HIPK3: variants seen among roughly 807,000 people sequenced by gnomAD.
HIPK3 encodes homeodomain interacting protein kinase 3.
HIPK3 carries 47 observed loss-of-function variants against 124.2 expected under a neutral mutation model. The ratio of observed to expected loss-of-function variants is 0.38; its 90% confidence interval spans 0.30 to 0.48. HIPK3 has a LOEUF of 0.48. HIPK3 is among the 20% of genes least tolerant of loss of function. HIPK3 has a pLI of 0.98. For missense variants in HIPK3, 1,286 were observed against 1,454.3 expected (o/e 0.88, Z 1.88); for synonymous variants, 482 against 515.2 (o/e 0.94, Z 0.87).
chr11:33,295,758 G>T (rs1332382674), intron 2 of HIPK3, among the ~76,000 whole-genome samples: 1 of 152,214 alleles, frequency 6.6e-6, no homozygotes, highest in African/African-American at 2.4e-5. Context: ...CTGATGTTGT[G>T]TCCACACATA....
intron 1 of HIPK3, among the ~76,000 whole-genome samples, chr11:33,269,296 C>G (rs1851058427): frequency 6.6e-6 from 1 of 152,114 alleles, no homozygotes; most frequent in African/African-American, 2.4e-5. Flanking sequence ...GATTTCCAAC[C>G]CTTTACCTCT....
At chr11:33,264,451 T>A (rs1850904253) in intron 1 of HIPK3, among the ~76,000 whole-genome samples, 1 of 150,558 alleles carries the variant, frequency 6.6e-6, no homozygotes, top group South Asian at 2.1e-4. Flanking sequence ...TCAGAAACTT[T>A]TCCATTTCTA....
intron 1 of HIPK3, chr11:33,258,704 G>T: frequency 1.0e-6 from 1 of 985,310 alleles, no homozygotes; most frequent in Non-Finnish European, 1.2e-6. Flanking sequence ...TGTGGCTCTC[G>T]GGGAATCCTG....
At chr11:33,334,456 G>A (rs1380062719) in intron 3 of HIPK3, among the ~76,000 whole-genome samples, 3 of 152,064 alleles carry the variant, frequency 2.0e-5, no homozygotes, top group African/African-American at 2.4e-5. Flanking sequence ...AGTTGGTGCC[G>A]AAGTACCAGG....
chr11:33,261,869 T>A (rs912563114), intron 1 of HIPK3, among the ~76,000 whole-genome samples: 2 of 152,198 alleles, frequency 1.3e-5, no homozygotes, highest in African/African-American at 4.8e-5. Flanking sequence ...CTCTGCAACC[T>A]CATCAGCATC....
At chr11:33,278,796 A>G (rs1851335819) in intron 1 of HIPK3, among the ~76,000 whole-genome samples, 1 of 152,040 alleles carries the variant, frequency 6.6e-6, no homozygotes, top group Non-Finnish European at 1.5e-5. Flanking sequence ...GTGAGCAGAG[A>G]TCGTGCCACT....
At chr11:33,347,025 A>T (rs1458921503) in intron 8 of HIPK3, among the ~76,000 whole-genome samples, 6 of 152,122 alleles carry the variant, frequency 3.9e-5, no homozygotes, top group Middle Eastern at 3.4e-3. Flanking sequence ...TCTCTACCAA[A>T]AATTAAAGAG....
Position 33,337,052 on chromosome 11 carries a change from C to A in HIPK3, c.1222-23C>A, listed in dbSNP as rs776095224. On this transcript the variant is annotated intron_variant, in intron 3 of 16. Transcript: ENST00000303296. The stretch of plus-strand genomic sequence containing the variant: ...CTGTCACATGAAAGAATAAACTATT[C>A]TGTTCTGTAAATTATTTTTCAGATT... 3.2e-6 allele frequency: 5 copies of A among 1,565,152 alleles called. No homozygotes were observed. In the African/African-American group the frequency reaches 6.8e-5, roughly 21 times the overall value.
At chr11:33,342,542 CTTTTTT>C (rs371154303) in intron 8 of HIPK3, among the ~76,000 whole-genome samples, 2 of 135,980 alleles carry the variant, frequency 1.5e-5, no homozygotes, top group Non-Finnish European at 1.6e-5. Context: ...GCTATACATT[CTTTTTT>C]TTTTTTTTTT....
At chr11:33,275,014 T>C (rs983590120) in intron 1 of HIPK3, among the ~76,000 whole-genome samples, 6 of 152,112 alleles carry the variant, frequency 3.9e-5, no homozygotes, top group African/African-American at 1.4e-4. Flanking sequence ...CAATGTATGG[T>C]GGTTGTTTCT....
In HIPK3 at chr11:33,353,853, C is replaced by G. The variant is rs577771215; in HGVS notation, c.*285C>G. The G allele has an allele frequency of 1.9e-5, 7 of 373,984 alleles. No individual in the cohort carries two copies. The East Asian group carries it at 2.5e-4, about 14-fold the overall frequency. The allele number at this position is 373,984 out of a possible 1,614,324, so 23.2% of individuals were successfully genotyped here. On this transcript the variant is annotated 3_prime_UTR_variant, in exon 17 of 17. Transcript: ENST00000303296. ...CTATTTTTTATAAATTGCCTTCTAA[C>G]TAGTGCAAGACACGTCTACATTTGG...
intron 2 of HIPK3, among the ~76,000 whole-genome samples, chr11:33,309,813 TA>T (rs1343678799): frequency 6.6e-6 from 1 of 152,254 alleles, no homozygotes; most frequent in Non-Finnish European, 1.5e-5. Context: ...TCAGCATGTG[TA>T]TCATAAAGTA....
intron 2 of HIPK3, among the ~76,000 whole-genome samples, chr11:33,297,092 T>C (rs1177896589): frequency 7.7e-5 from 1 of 12,928 alleles, no homozygotes; most frequent in African/African-American, 1.5e-4. Flanking sequence ...ATGGAAAAGA[T>C]TTTTTTTTTT....
Position 33,348,413 on chromosome 11 carries a change from TGAACTC to T in HIPK3, c.2370-104_2370-99del, listed in dbSNP as rs1186325977. On this transcript the variant is annotated intron_variant, in intron 12 of 16. Coordinates refer to ENST00000303296, the MANE Select transcript of HIPK3 (RefSeq NM_005734.5). ...AAGATCTGTTAGTGTGTTATATTCATGAACTCGAACAAGTGAAGGTTCTCATTTTCT... is the reference window on the plus strand; with the variant it reads ...AAGATCTGTTAGTGTGTTATATTCATGAACAAGTGAAGGTTCTCATTTTCT... 6 of 1,060,224 alleles carry T rather than the reference TGAACTC, an allele frequency of 5.7e-6. No homozygotes were observed. The East Asian group carries it at 1.6e-4, about 28-fold the overall frequency. 65.7% of individuals were successfully genotyped at this position (1,060,224 alleles called of 1,614,324 possible).
chr11:33,276,686 T>C (rs1019480020), intron 1 of HIPK3, among the ~76,000 whole-genome samples: 1 of 152,142 alleles, frequency 6.6e-6, no homozygotes, highest in African/African-American at 2.4e-5. Context: ...GATCGTATTT[T>C]TGTAATTTTA....
chr11:33,355,011 G>A lies in HIPK3; in HGVS notation c.*1443G>A, dbSNP rs373082522. 1 of 152,080 alleles carries A rather than the reference G, an allele frequency of 6.6e-6. No homozygotes were observed. The highest frequency in any genetic ancestry group is 2.4e-5 in the African/African-American group (1 of 41,528). 9.4% of individuals were successfully genotyped at this position (152,080 alleles called of 1,614,324 possible). On this transcript the variant is annotated 3_prime_UTR_variant, in exon 17 of 17. Coordinates refer to ENST00000303296, the MANE Select transcript of HIPK3 (RefSeq NM_005734.5). ...GTGTAAAGGTGGAATTTAAGGAAAG[G>A]TATTAAATTGAGGCTGTGTTTTAGC... is the stretch of plus-strand genomic sequence containing the variant.
intron 15 of HIPK3, 61 bp from the exon 16 acceptor site, chr11:33,352,077 T>G (rs986103948): frequency 2.0e-6 from 3 of 1,488,454 alleles, no homozygotes; most frequent in Non-Finnish European, 2.8e-6. Flanking sequence ...CTAAAGACTT[T>G]GCTAATTTTT....
At chr11:33,262,090 T>C (rs761024739) in intron 1 of HIPK3, among the ~76,000 whole-genome samples, 17 of 152,358 alleles carry the variant, frequency 1.1e-4, no homozygotes, top group Non-Finnish European at 1.9e-4. Context: ...TAAAAATATA[T>C]ATCTTGCCTA....
intron 2 of HIPK3, among the ~76,000 whole-genome samples, chr11:33,305,102 A>G (rs1262781114): frequency 6.6e-6 from 1 of 152,138 alleles, no homozygotes; most frequent in Non-Finnish European, 1.5e-5. Flanking sequence ...CCGAGTTCAG[A>G]TGATTCTCCT....
Sources: gnomAD v4.1 joint callset for allele counts (sites outside exome capture counted in the v4.1 genomes callset) on GRCh38, gnomAD v4.1.1 for gene constraint, MANE v1.5 for transcripts, NCBI Gene and HGNC (gene_info 2026-07-23, HGNC 2026-07-21) for gene names.